The following CDKL1 variants were observed in gnomAD, a reference collection of about 807,000 sequenced individuals.
The protein encoded by CDKL1 is cyclin-dependent kinase-like 1.
In CDKL1, 41 loss-of-function variants were observed where a neutral mutation model predicts 42.0. The ratio of observed to expected loss-of-function variants is 0.98; its 90% confidence interval spans 0.76 to 1.27. CDKL1 has a LOEUF of 1.27. Ranked by LOEUF, CDKL1 falls within the 50% of genes most tolerant of loss-of-function variation. The probability of loss-of-function intolerance (pLI) is 0.00; values close to 1 mark genes in which losing one functional copy is unlikely to be tolerated. For synonymous variants in CDKL1, 153 were observed against 158.6 expected (o/e 0.96, Z 0.26); for missense variants, 394 against 428.4 (o/e 0.92, Z 0.71).
chr14:50,377,302 C>T (rs997468778), intron 2 of CDKL1, among the ~76,000 whole-genome samples: 24 of 152,090 alleles, frequency 1.6e-4, no homozygotes, highest in African/African-American at 5.8e-4. Context: ...CATAGGGGAG[C>T]CTTGGACCAA....
chr14:50,362,565 G>A (rs1210520400), intron 2 of CDKL1, among the ~76,000 whole-genome samples: 2 of 152,096 alleles, frequency 1.3e-5, no homozygotes, highest in Non-Finnish European at 2.9e-5. Flanking sequence ...CTAAGGGATT[G>A]TAAATACACC....
rs760675659 is a variant in CDKL1 at position 50,334,601 on chromosome 14, G to A, written c.759C>T (p.Phe253=). Residue 253 remains phenylalanine, a synonymous_variant, in exon 8 of 10, where the codon TTC becomes TTT. Coordinates refer to ENST00000395834, the MANE Select transcript of CDKL1 (RefSeq NM_004196.7). ...CCAGGGCAGGATAAGAGATGTTTGG[G>A]AATTTTAATTCAAGTGGTTCCTGTT... is the stretch of plus-strand genomic sequence containing the variant. ...PEDMEPLELK[F]PNISYPALGL... 3.1e-6 allele frequency: 5 copies of A among 1,602,662 alleles called. No homozygotes were observed. Among genetic ancestry groups the A allele is most frequent in the Non-Finnish European group, 4.3e-6 (5 of 1,169,712 alleles).
intron 2 of CDKL1, among the ~76,000 whole-genome samples, chr14:50,373,190 A>G (rs2034636511): frequency 6.6e-6 from 1 of 152,168 alleles, no homozygotes; most frequent in African/African-American, 2.4e-5. Context: ...ACGCCAAAAG[A>G]CAAATAATTG....
rs1276880825 is a variant in CDKL1 at position 50,326,379 on chromosome 14, T to C, written c.*3695A>G. On this transcript the variant is annotated 3_prime_UTR_variant, in exon 10 of 10. Coordinates refer to ENST00000395834, the MANE Select transcript of CDKL1 (RefSeq NM_004196.7). Reference sequence around the variant, plus strand: ...AGATGTTTTTATTATAACAGTAATTTACATTTAACTTTAAAGTTAGTGAAG... The same window carrying C: ...AGATGTTTTTATTATAACAGTAATTCACATTTAACTTTAAAGTTAGTGAAG... 1 of 912,670 alleles carries C rather than the reference T, an allele frequency of 1.1e-6. No homozygotes were observed. Among genetic ancestry groups the C allele is most frequent in the East Asian group, 1.2e-4 (1 of 8,446 alleles). The allele number at this position is 912,670 out of a possible 1,614,324, so 56.5% of individuals were successfully genotyped here.
intron 2 of CDKL1, among the ~76,000 whole-genome samples, chr14:50,388,022 A>G (rs2016452): frequency 0.79 from 120,154 of 152,090 alleles, 48,019 homozygotes; most frequent in African/African-American, 0.91. Context: ...TCAGCCTCCC[A>G]AGTAGCTGTG....
At chr14:50,365,683 A>T (rs1294663756) in intron 2 of CDKL1, among the ~76,000 whole-genome samples, 1 of 152,152 alleles carries the variant, frequency 6.6e-6, no homozygotes, top group African/African-American at 2.4e-5. Flanking sequence ...TGAAGGATGC[A>T]AAGTACTGTT....
intron 6 of CDKL1, among the ~76,000 whole-genome samples, chr14:50,339,552 G>A (rs2033437162): frequency 6.8e-6 from 1 of 147,382 alleles, no homozygotes; most frequent in Non-Finnish European, 1.5e-5. Context: ...GGAGGGGAGG[G>A]GAAGGGAAGG....
intron 2 of CDKL1, among the ~76,000 whole-genome samples, chr14:50,369,345 C>T (rs181243823): frequency 2.0e-5 from 3 of 152,154 alleles, no homozygotes; most frequent in African/African-American, 7.2e-5. Flanking sequence ...CACCCACTCC[C>T]TATTGCTCCC....
chr14:50,330,207 GT>G, intron 9 of CDKL1, 26 bp from the exon 10 acceptor site: 1 of 1,589,920 alleles, frequency 6.3e-7, no homozygotes, highest in Non-Finnish European at 8.5e-7. Context: ...ACAGAATTAG[GT>G]TCAAAACTGT....
At position 50,396,054 on chromosome 14, in the gene CDKL1, T is replaced by G; in HGVS notation, c.-186A>C. The G allele has an allele frequency of 9.5e-7, 1 of 1,058,110 alleles. No individual in the cohort carries two copies. The highest frequency in any genetic ancestry group is 1.3e-6 in the Non-Finnish European group (1 of 783,046). 65.5% of individuals were successfully genotyped at this position (1,058,110 alleles called of 1,614,324 possible). A position where few individuals can be genotyped will look rare whatever the true frequency, so the allele number is the denominator to read the frequency against. ...ACAAAAAATTAGCCGGGTGTGGTGATGGGCGCCCGTAGTCCCAGCAACTCA... is the reference window on the plus strand; with the variant it reads ...ACAAAAAATTAGCCGGGTGTGGTGAGGGGCGCCCGTAGTCCCAGCAACTCA... On this transcript the variant is annotated 5_prime_UTR_variant, in exon 2 of 10. Coordinates refer to ENST00000395834, the MANE Select transcript of CDKL1 (RefSeq NM_004196.7).
Position 50,342,950 on chromosome 14 carries a change from GT to G in CDKL1, c.364-729del, listed in dbSNP as rs1316235769. On this transcript the variant is annotated intron_variant, in intron 4 of 9. Transcript: ENST00000395834. Reference sequence around the variant, plus strand: ...GATGTCAGCTCTGTCCCACACACAAGTGCTCTGAGAGCTGCAGCCACCCCTC... The same window carrying G: ...GATGTCAGCTCTGTCCCACACACAAGGCTCTGAGAGCTGCAGCCACCCCTC... The G allele has an allele frequency of 4.1e-5, 56 of 1,357,666 alleles. No individual in the cohort carries two copies. The Admixed American group carries it at 1.1e-3, about 26-fold the overall frequency. The allele number at this position is 1,357,666 out of a possible 1,614,324, so 84.1% of individuals were successfully genotyped here.
chr14:50,345,161 C>T (rs1160884484), intron 3 of CDKL1, 103 bp from the exon 4 acceptor site: 3 of 972,346 alleles, frequency 3.1e-6, no homozygotes, highest in Non-Finnish European at 4.6e-6. Flanking sequence ...AGTGAAAAAT[C>T]TTAGGTGACA....
intron 2 of CDKL1, among the ~76,000 whole-genome samples, chr14:50,388,485 CTG>C (rs535691324): frequency 2.6e-4 from 39 of 152,356 alleles, no homozygotes; most frequent in African/African-American, 9.1e-4. Context: ...TCTTGGGGGA[CTG>C]TGTGAAGAGC....
Position 50,326,849 on chromosome 14 carries a change from T to G in CDKL1, c.*3225A>C, listed in dbSNP as rs1165086705. 6 of 763,744 alleles carry G rather than the reference T, an allele frequency of 7.9e-6. No homozygotes were observed. The highest frequency in any genetic ancestry group is 9.6e-6 in the Non-Finnish European group (6 of 628,140). 47.3% of individuals were successfully genotyped at this position (763,744 alleles called of 1,614,324 possible). A position where few individuals can be genotyped will look rare whatever the true frequency, so the allele number is the denominator to read the frequency against. On this transcript the variant is annotated 3_prime_UTR_variant, in exon 10 of 10. Transcript: ENST00000395834. Reference sequence around the variant, plus strand: ...TGAGACCAGGAGTTTGAGACCAATTTGGGCAACACAGTGAGACCCCATCTC... The same window carrying G: ...TGAGACCAGGAGTTTGAGACCAATTGGGGCAACACAGTGAGACCCCATCTC...
chr14:50,375,083 A>G (rs1003718817), intron 2 of CDKL1, among the ~76,000 whole-genome samples: 2 of 152,212 alleles, frequency 1.3e-5, no homozygotes, highest in Non-Finnish European at 2.9e-5. Context: ...CTGCACATGT[A>G]TCCCGGAACT....
chr14:50,349,742 T>TTTG (rs138022916), intron 3 of CDKL1, among the ~76,000 whole-genome samples: 18 of 151,436 alleles, frequency 1.2e-4, no homozygotes, highest in South Asian at 2.1e-4. Context: ...CTCTTGTCTT[T>TTTG]TTGTTGTTGT....
chr14:50,391,082 G>A (rs1272458063), intron 2 of CDKL1, among the ~76,000 whole-genome samples: 2 of 152,082 alleles, frequency 1.3e-5, no homozygotes, highest in African/African-American at 4.8e-5. Flanking sequence ...AGATCAGCAC[G>A]TTGGCCTCCC....
intron 6 of CDKL1, among the ~76,000 whole-genome samples, chr14:50,339,783 C>T (rs986159269): frequency 3.3e-5 from 5 of 152,158 alleles, no homozygotes; most frequent in African/African-American, 1.2e-4. Flanking sequence ...GCTAAAATCC[C>T]CTTTATGTAA....
chr14:50,361,311 G>C (rs750705850), intron 2 of CDKL1, among the ~76,000 whole-genome samples: 8 of 152,166 alleles, frequency 5.3e-5, no homozygotes, highest in Non-Finnish European at 1.0e-4. Flanking sequence ...AAATCCCTCT[G>C]TATTTTCAAG....
Sources: gnomAD v4.1 joint callset for allele counts (sites outside exome capture counted in the v4.1 genomes callset) on GRCh38, gnomAD v4.1.1 for gene constraint, MANE v1.5 for transcripts, NCBI Gene and HGNC (gene_info 2026-07-23, HGNC 2026-07-21) for gene names.